GRM8: variants seen among roughly 807,000 people sequenced by gnomAD.
GRM8 encodes metabotropic glutamate receptor 8.
A neutral mutation model predicts 87.2 loss-of-function variants in GRM8; 47 were observed. The observed-to-expected ratio is 0.54, with a 90% CI of 0.43 to 0.69. The LOEUF is 0.69. Among genes scored for constraint, GRM8 ranks in the 30% least tolerant of loss-of-function variants. GRM8 has a pLI of 0.00. For synonymous variants in GRM8, 396 were observed against 404.5 expected, an observed-to-expected ratio of 0.98 and a Z score of 0.25; for missense variants, 1,019 against 1,139.2, an observed-to-expected ratio of 0.89 and a Z score of 1.52.
intron 6 of GRM8, among the ~76,000 whole-genome samples, chr7:126,811,273 T>A (rs1316280490): frequency 6.6e-6 from 1 of 152,080 alleles, no homozygotes; most frequent in Admixed American, 6.6e-5. Flanking sequence ...TACTATAGCT[T>A]TGTAGTATAA....
chr7:127,014,223 T>C (rs1428622997), intron 3 of GRM8, among the ~76,000 whole-genome samples: 2 of 152,198 alleles, frequency 1.3e-5, no homozygotes, highest in East Asian at 3.9e-4. Context: ...GAGCAAATTG[T>C]GTTCACCGAT....
At chr7:127,133,802 A>C (rs1827819240) in intron 2 of GRM8, among the ~76,000 whole-genome samples, 1 of 151,848 alleles carries the variant, frequency 6.6e-6, no homozygotes. Flanking sequence ...AATTCTCTAT[A>C]ATGTGTATGC....
At chr7:127,225,969 A>C (rs1334888715) in intron 2 of GRM8, among the ~76,000 whole-genome samples, 2 of 152,178 alleles carry the variant, frequency 1.3e-5, no homozygotes, top group African/African-American at 4.8e-5. Context: ...ATATCTGGGA[A>C]GGTATTTGTA....
chr7:126,879,194 G>A (rs1157627081), intron 6 of GRM8, among the ~76,000 whole-genome samples: 6 of 149,154 alleles, frequency 4.0e-5, no homozygotes, highest in Non-Finnish European at 7.4e-5. Flanking sequence ...GGGGCAGGGA[G>A]GAAGAAAAAA....
intron 2 of GRM8, among the ~76,000 whole-genome samples, chr7:127,187,824 C>T (rs2116460792): frequency 6.6e-6 from 1 of 152,288 alleles, no homozygotes; most frequent in East Asian, 1.9e-4. Flanking sequence ...TTCCTGTTCA[C>T]CAGGTTCAAA....
At chr7:126,501,505 C>G (rs750007391) in intron 9 of GRM8, among the ~76,000 whole-genome samples, 1 of 151,776 alleles carries the variant, frequency 6.6e-6, no homozygotes, top group Non-Finnish European at 1.5e-5. Context: ...AAGTGGCAGT[C>G]AGTGAAGAAG....
At chr7:127,205,157 C>T (rs566599367) in intron 2 of GRM8, among the ~76,000 whole-genome samples, 1 of 152,306 alleles carries the variant, frequency 6.6e-6, no homozygotes, top group East Asian at 1.9e-4. Context: ...TCAGTGAGAA[C>T]AGACGCGCCA....
intron 9 of GRM8, among the ~76,000 whole-genome samples, chr7:126,462,552 A>G (rs962498898): frequency 1.3e-5 from 2 of 151,630 alleles, no homozygotes; most frequent in Non-Finnish European, 3.0e-5. Flanking sequence ...TACCAGCATA[A>G]TTTTGGAACA....
In GRM8 at chr7:126,873,840, C is replaced by T. The variant is rs180876714; in HGVS notation, c.1156+28702G>A. On this transcript the variant is annotated intron_variant, in intron 6 of 10. Transcript: ENST00000339582. The stretch of plus-strand genomic sequence containing the variant: ...AAAAAGTAATTGGCCTCACCTATCC[C>T]GAATGCATAAAAAGTCTGCTAATTA... Among the ~76,000 whole-genome samples the T allele has an allele frequency of 6.8e-3, 1,033 of 152,032 alleles. 6 individuals carry two copies. The highest frequency in any genetic ancestry group is 0.017 in the Middle Eastern group (5 of 294).
At chr7:126,654,833 G>C (rs1392833848) in intron 7 of GRM8, among the ~76,000 whole-genome samples, 1 of 152,168 alleles carries the variant, frequency 6.6e-6, no homozygotes, top group African/African-American at 2.4e-5. Context: ...AAGTTTTATA[G>C]GTATTTAAGC....
At chr7:127,103,229 G>A (rs1352610506) in intron 3 of GRM8, among the ~76,000 whole-genome samples, 1 of 152,188 alleles carries the variant, frequency 6.6e-6, no homozygotes, top group Non-Finnish European at 1.5e-5. Flanking sequence ...AGGAGCCAAG[G>A]TGGAATGATA....
intron 2 of GRM8, among the ~76,000 whole-genome samples, chr7:127,189,047 T>C (rs1207008229): frequency 6.6e-6 from 1 of 152,232 alleles, no homozygotes; most frequent in Non-Finnish European, 1.5e-5. Flanking sequence ...CAGAAGTGTC[T>C]TTTATAGGAA....
At chr7:126,447,861 T>G (rs931986982) in intron 9 of GRM8, among the ~76,000 whole-genome samples, 5 of 151,910 alleles carry the variant, frequency 3.3e-5, no homozygotes, top group African/African-American at 1.2e-4. Flanking sequence ...CTTGCATCCT[T>G]GCATAAGAGC....
At chr7:127,172,780 T>G (rs1409797229) in intron 2 of GRM8, among the ~76,000 whole-genome samples, 1 of 152,134 alleles carries the variant, frequency 6.6e-6, no homozygotes, top group Non-Finnish European at 1.5e-5. Context: ...ATTATTCATA[T>G]AAAATAATTT....
chr7:127,051,361 C>G (rs551878376), intron 3 of GRM8, among the ~76,000 whole-genome samples: 1 of 151,776 alleles, frequency 6.6e-6, no homozygotes, highest in Non-Finnish European at 1.5e-5. Flanking sequence ...AAAACCTGCA[C>G]ACGTACCCTG....
At chr7:127,249,892 T>C (rs1262695681) in intron 1 of GRM8, among the ~76,000 whole-genome samples, 3 of 152,082 alleles carry the variant, frequency 2.0e-5, no homozygotes, top group African/African-American at 4.8e-5. Flanking sequence ...TTGACAGACA[T>C]GGAGATGTGG....
Position 126,807,187 on chromosome 7 carries a change from C to T in GRM8, c.1157-37122G>A, listed in dbSNP as rs565168925. ...TCTCATGAGGTTAAGACTAGGTCTT[C>T]TCCTCCAAGAAAAACTTCTGCTTCT... On this transcript the variant is annotated intron_variant, in intron 6 of 10. Coordinates refer to ENST00000339582, the MANE Select transcript of GRM8 (RefSeq NM_000845.3). Among the ~76,000 whole-genome samples the T allele has an allele frequency of 2.0e-5, 3 of 152,268 alleles. No homozygotes were observed. In the East Asian group the frequency reaches 5.8e-4, roughly 29 times the overall value.
At chr7:127,103,446 G>C (rs1025594022) in intron 3 of GRM8, among the ~76,000 whole-genome samples, 1 of 152,146 alleles carries the variant, frequency 6.6e-6, no homozygotes, top group African/African-American at 2.4e-5. Context: ...CTTCTGCCAT[G>C]ATTGTAGGCC....
chr7:127,032,199 T>C (rs994914008), intron 3 of GRM8, among the ~76,000 whole-genome samples: 6 of 152,198 alleles, frequency 3.9e-5, no homozygotes, highest in African/African-American at 1.4e-4. Context: ...AAGCTACAGT[T>C]TGTTCTCTTT....
Sources: allele counts gnomAD v4.1 joint callset (sites outside exome capture counted in the v4.1 genomes callset), GRCh38; gene constraint gnomAD v4.1.1; transcripts MANE v1.5; gene names NCBI Gene and HGNC (gene_info 2026-07-23, HGNC 2026-07-21).